Variants in RASGEF1C observed in about 807,000 individuals in gnomAD.
RASGEF1C encodes ras-GEF domain-containing family member 1C.
A neutral mutation model predicts 58.1 loss-of-function variants in RASGEF1C; 27 were observed. The observed-to-expected ratio is 0.46, with a 90% confidence interval of 0.34 to 0.64. RASGEF1C has a LOEUF of 0.64. Among genes scored for constraint, RASGEF1C ranks in the 30% least tolerant of loss-of-function variants. The probability of loss-of-function intolerance (pLI) is 0.01; values close to 1 mark genes in which losing one functional copy is unlikely to be tolerated. For synonymous variants in RASGEF1C, 243 were observed against 246.3 expected (o/e 0.99, Z 0.13); for missense variants, 502 against 605.1 (o/e 0.83, Z 1.79).
intron 11 of RASGEF1C, among the ~76,000 whole-genome samples, chr5:180,113,845 GGATGGAGGGATCGAGGATA>G (rs1455218053): frequency 1.1e-4 from 17 of 151,528 alleles, no homozygotes; most frequent in Non-Finnish European, 1.0e-4. Context: ...GACCGAGGAT[GGATGGAGGGATCGAGGATA>G]GATGGAGGGA....
chr5:180,185,276 G>T, intron 1 of RASGEF1C, among the ~76,000 whole-genome samples: 1 of 100,586 alleles, frequency 9.9e-6, no homozygotes, highest in East Asian at 3.0e-4. Flanking sequence ...GAGTGACAGA[G>T]CGAGACTCTG....
intron 1 of RASGEF1C, among the ~76,000 whole-genome samples, chr5:180,201,087 G>C (rs917593233): frequency 2.0e-5 from 3 of 152,144 alleles, no homozygotes; most frequent in Non-Finnish European, 4.4e-5. Context: ...GACAGAGCGA[G>C]ACCTTGTCTC....
Position 180,174,541 on chromosome 5 carries a change from CGT to C in RASGEF1C, c.-7+34485_-7+34486del, listed in dbSNP as rs1358814074. On this transcript the variant is annotated intron_variant, in intron 1 of 13. Coordinates refer to ENST00000361132, the MANE Select transcript of RASGEF1C (RefSeq NM_175062.4). ...GTACACACGTGTGTCTCTGTGTGTG[CGT>C]GTGTGCGTGTGTCTGTGTGTGCACG... Among the ~76,000 whole-genome samples the C allele has an allele frequency of 4.4e-4, 53 of 120,884 alleles. 1 individual carries two copies. The highest frequency in any genetic ancestry group is 4.0e-3 in the Middle Eastern group (1 of 248). The allele number at this position is 120,884 out of a possible 152,430, so 79.3% of individuals were successfully genotyped here. A position where few individuals can be genotyped will look rare whatever the true frequency, so the allele number is the denominator to read the frequency against.
At chr5:180,133,042 C>T (rs1266899485) in intron 4 of RASGEF1C, among the ~76,000 whole-genome samples, 3 of 151,996 alleles carry the variant, frequency 2.0e-5, no homozygotes, top group African/African-American at 7.2e-5. Context: ...CCTCTGTGGC[C>T]GGCCCAGTGG....
chr5:180,141,167 G>A (rs1206336379), intron 1 of RASGEF1C, among the ~76,000 whole-genome samples: 4 of 152,200 alleles, frequency 2.6e-5, no homozygotes, highest in African/African-American at 9.6e-5. Flanking sequence ...ACACTCCCCC[G>A]CACTGGGCTT....
chr5:180,135,030 G>A (rs547484204), intron 4 of RASGEF1C, among the ~76,000 whole-genome samples: 100 of 116,814 alleles, frequency 8.6e-4, no homozygotes, highest in African/African-American at 3.1e-3. Flanking sequence ...ACCCCATCCC[G>A]TTTCCGCTGT....
intron 10 of RASGEF1C, chr5:180,115,306 AAT>A: frequency 2.3e-6 from 1 of 440,356 alleles, no homozygotes; most frequent in Non-Finnish European, 4.5e-6. Context: ...AAAAAAAAAA[AAT>A]TTAACAATTT....
Position 180,143,709 on chromosome 5 carries a change from C to A in RASGEF1C, c.-6-5651G>T, listed in dbSNP as rs993007816. On this transcript the variant is annotated intron_variant, in intron 1 of 13. Transcript: ENST00000361132. The surrounding 1 kb of genome is among the most constrained non-coding windows in gnomAD (Gnocchi z 4.3). ...TTTTTTAAAAAGCCACTGATGGGGC[C>A]ACACAGTGAGTTAAAGCACAGTTAG... Among the ~76,000 whole-genome samples the A allele has an allele frequency of 6.6e-6, 1 of 152,154 alleles. No homozygotes were observed. The highest frequency in any genetic ancestry group is 2.4e-5 in the African/African-American group (1 of 41,432).
At chr5:180,132,925 G>A (rs1766394930) in intron 4 of RASGEF1C, among the ~76,000 whole-genome samples, 3 of 142,688 alleles carry the variant, frequency 2.1e-5, no homozygotes, top group South Asian at 4.5e-4. Flanking sequence ...GCCAAATCAC[G>A]CCACTGTACT....
At chr5:180,203,143 A>G (rs1756426243) in intron 1 of RASGEF1C, among the ~76,000 whole-genome samples, 1 of 152,228 alleles carries the variant, frequency 6.6e-6, no homozygotes, top group South Asian at 2.1e-4. Context: ...GCTCACCGGC[A>G]TGAGCTCTAC....
rs770634490 is a variant in RASGEF1C, at chr5:180,137,731, AGAGGGCACAGGCTCAG to A, written c.178-35_178-20del. On this transcript the variant is annotated intron_variant, in intron 2 of 13. Coordinates refer to ENST00000361132, the MANE Select transcript of RASGEF1C (RefSeq NM_175062.4). This position sits in a 1 kb window ranked among gnomAD's most constrained non-coding sequence, Gnocchi z 4.1. ...AGGCTTTCTGGGGGACACACGAGAA[AGAGGGCACAGGCTCAG>A]GAGGGCACCAGGAGGGGCATGCTTC... 7 of 1,612,738 alleles carry A rather than the reference AGAGGGCACAGGCTCAG, an allele frequency of 4.3e-6. No homozygotes were observed. In the African/African-American group the frequency reaches 9.3e-5, roughly 21 times the overall value.
At chr5:180,121,187 C>T (rs1375761742) in intron 6 of RASGEF1C, 38 bp from the exon 7 acceptor site, 2 of 1,410,430 alleles carry the variant, frequency 1.4e-6, no homozygotes, top group Non-Finnish European at 1.0e-6. Flanking sequence ...CGTTCTGAGC[C>T]TTTTTGTCTA....
chr5:180,157,841 T>G (rs901569452), intron 1 of RASGEF1C, among the ~76,000 whole-genome samples: 9 of 152,062 alleles, frequency 5.9e-5, no homozygotes, highest in African/African-American at 2.2e-4. Context: ...CACAGAGGAT[T>G]TCTAGGGCAG....
intron 1 of RASGEF1C, among the ~76,000 whole-genome samples, chr5:180,208,503 G>A (rs971789045): frequency 6.6e-6 from 1 of 152,180 alleles, no homozygotes; most frequent in East Asian, 1.9e-4. Context: ...AGGACTCCCA[G>A]CAGACCCCAC....
intron 12 of RASGEF1C, among the ~76,000 whole-genome samples, chr5:180,104,809 G>C (rs550416238): frequency 6.6e-6 from 1 of 152,294 alleles, no homozygotes; most frequent in South Asian, 2.1e-4. Flanking sequence ...GTGGTAATTT[G>C]TGCTTTTTAA....
intron 1 of RASGEF1C, among the ~76,000 whole-genome samples, chr5:180,148,684 C>T (rs1766697121): frequency 6.6e-6 from 1 of 152,146 alleles, no homozygotes; most frequent in South Asian, 2.1e-4. Flanking sequence ...TTCAAAAGCA[C>T]AGACTTAATA....
intron 1 of RASGEF1C, among the ~76,000 whole-genome samples, chr5:180,186,592 T>C (rs901660294): frequency 3.9e-5 from 6 of 152,230 alleles, no homozygotes; most frequent in Admixed American, 3.3e-4. Flanking sequence ...TGTGTAAAGA[T>C]GGCAATACTA....
At chr5:180,189,286 A>T (rs1243892304) in intron 1 of RASGEF1C, among the ~76,000 whole-genome samples, 1 of 152,248 alleles carries the variant, frequency 6.6e-6, no homozygotes. Flanking sequence ...GAGAAATTAA[A>T]CACGTAAGTA....
chr5:180,109,206 C>T (rs1206711243), intron 12 of RASGEF1C, among the ~76,000 whole-genome samples: 1 of 152,156 alleles, frequency 6.6e-6, no homozygotes, highest in Non-Finnish European at 1.5e-5. Flanking sequence ...CCTGTAATCC[C>T]AGCACTTTGG....
Sources: gnomAD v4.1 joint callset for allele counts (sites outside exome capture counted in the v4.1 genomes callset) on GRCh38, gnomAD v4.1.1 for gene constraint, Gnocchi (gnomAD v3.1) non-coding constraint, MANE v1.5 for transcripts, NCBI Gene and HGNC (gene_info 2026-07-23, HGNC 2026-07-21) for gene names.